The following PKD1 variants were observed in gnomAD, a reference collection of about 807,000 sequenced individuals.
PKD1 encodes the protein polycystin-1.
Under a neutral mutation model 361.7 loss-of-function variants are expected in PKD1, and 81 were observed. That is an observed-to-expected ratio of 0.22 (90% CI 0.19 to 0.27). The LOEUF is 0.27. PKD1 is among the 10% of genes least tolerant of loss of function. The probability of loss-of-function intolerance (pLI) is 1.00; values close to 1 mark genes in which losing one functional copy is unlikely to be tolerated. For synonymous variants in PKD1, 3,615 were observed against 2,818.3 expected (o/e 1.28, Z -8.95); for missense variants, 6,399 against 6,118.3 (o/e 1.05, Z -1.53).
At chr16:2,094,325 C>A (rs557649942) in intron 34 of PKD1, 115 bp from the exon 35 acceptor site, 14 of 728,324 alleles carry the variant, frequency 1.9e-5, no homozygotes, top group Non-Finnish European at 2.9e-5. Flanking sequence ...AGGGTCCCCC[C>A]GACAAAAAGC....
Position 2,117,496 on chromosome 16 carries a change from C to G in PKD1, c.1378G>C (p.Val460Leu). ...PAVQRFLVSR[V>L]TRSLDVWIGF... ...GGGGGTGGGGGCAGGCACCTGGTGA[C>G]CCGGGAGACCAGGAAGCGCTGCACG... Residue 460 changes from valine to leucine, a missense_variant, in exon 6 of 46, where the codon GTC (valine) becomes CTC (leucine). Coordinates refer to ENST00000262304, the MANE Select transcript of PKD1 (RefSeq NM_001009944.3). The G allele has an allele frequency of 1.3e-6, 2 of 1,540,524 alleles. No homozygotes were observed. Among genetic ancestry groups the G allele is most frequent in the Non-Finnish European group, 1.8e-6 (2 of 1,134,774 alleles).
In PKD1 at chr16:2,088,884, C is replaced by T. The variant is rs2091278628; in HGVS notation, c.*843G>A. 1 of 328,222 alleles carries T rather than the reference C, an allele frequency of 3.0e-6. No individual in the cohort carries two copies. The highest frequency in any genetic ancestry group is 5.9e-6 in the Non-Finnish European group (1 of 168,766). 20.3% of individuals were successfully genotyped at this position (328,222 alleles called of 1,614,324 possible). A position where few individuals can be genotyped will look rare whatever the true frequency, so the allele number is the denominator to read the frequency against. On this transcript the variant is annotated 3_prime_UTR_variant, in exon 46 of 46. Transcript: ENST00000262304. The stretch of plus-strand genomic sequence containing the variant: ...GCACACTCGCGCGTGCGCGCGCGCA[C>T]ACACACACACACACAGTCACCTTCC...
chr16:2,131,668 T>C (rs1429755427), intron 1 of PKD1, among the ~76,000 whole-genome samples: 1 of 149,294 alleles, frequency 6.7e-6, no homozygotes, highest in East Asian at 2.0e-4. Context: ...AAAATATTTT[T>C]AAAAATTAGC....
In PKD1 at chr16:2,092,185, A is replaced by C. The variant is rs778359525; in HGVS notation, c.11273T>G (p.Leu3758Arg). The C allele has an allele frequency of 6.2e-7, 1 of 1,601,014 alleles. No individual in the cohort carries two copies. The highest frequency in any genetic ancestry group is 8.5e-7 in the Non-Finnish European group (1 of 1,174,984). The change falls in exon 40 of 46, where the codon CTC becomes CGC. Residue 3758 changes from leucine (L) to arginine (R), a missense_variant. Leu to Arg is a moderately radical substitution (Grantham distance 102). Coordinates refer to ENST00000262304, the MANE Select transcript of PKD1 (RefSeq NM_001009944.3). ...CCTGGGGCCGGGAGGGTCTGGGTAGAGTGCTGAAACACACAGAGCCCCAGG... is the reference window on the plus strand; with the variant it reads ...CCTGGGGCCGGGAGGGTCTGGGTAGCGTGCTGAAACACACAGAGCCCCAGG... ...RLRQVRLQEALYPDPPGPRVH... is the reference protein window; with the variant it reads ...RLRQVRLQEARYPDPPGPRVH...
At position 2,111,678 on chromosome 16, in the gene PKD1, G is replaced by C; in HGVS notation, c.3489C>G (p.Phe1163Leu). ...SPGGVLYTWD[F>L]GDGSPVLTQS... The stretch of plus-strand genomic sequence containing the variant: ...GGGTCAGGACAGGGGAGCCGTCCCC[G>C]AAGTCCCACGTGTAAAGAACACCCC... Residue 1163 changes from phenylalanine to leucine, a missense_variant, in exon 15 of 46, where the codon TTC becomes TTG. Physicochemically the swap from Phe to Leu is conservative, Grantham distance 22 (BLOSUM62 0). Coordinates refer to ENST00000262304, the MANE Select transcript of PKD1 (RefSeq NM_001009944.3). 6.3e-7 allele frequency: 1 copy of C among 1,577,442 alleles called. No individual in the cohort carries two copies. Among genetic ancestry groups the C allele is most frequent in the South Asian group, 1.1e-5 (1 of 87,028 alleles).
rs1330158145 is a variant in PKD1 at position 2,117,059 on chromosome 16, G to T, written c.1386-6C>A. On this transcript the variant is annotated splice_region_variant and splice_polypyrimidine_tract_variant and intron_variant, in intron 6 of 45. Coordinates refer to ENST00000262304, the MANE Select transcript of PKD1 (RefSeq NM_001009944.3). Reference sequence around the variant, plus strand: ...CGATCCACACGTCTAGGCTCCTGGGGGCGGGTGTGGGATGGCAGGGGGCTC... The same window carrying T: ...CGATCCACACGTCTAGGCTCCTGGGTGCGGGTGTGGGATGGCAGGGGGCTC... 9 of 1,528,514 alleles carry T rather than the reference G, an allele frequency of 5.9e-6. No homozygotes were observed. Among genetic ancestry groups the T allele is most frequent in the Non-Finnish European group, 8.0e-6 (9 of 1,125,390 alleles). The allele number at this position is 1,528,514 out of a possible 1,614,324, so 94.7% of individuals were successfully genotyped here.
chr16:2,127,599 G>A (rs1455040710), intron 1 of PKD1, among the ~76,000 whole-genome samples: 1 of 152,010 alleles, frequency 6.6e-6, no homozygotes, highest in African/African-American at 2.4e-5. Flanking sequence ...ACAGGGGAAT[G>A]GGCCCCCGGA....
At position 2,089,706 on chromosome 16, in the gene PKD1, C is replaced by CA; in HGVS notation, c.*20dup. 3.2e-6 allele frequency: 5 copies of CA among 1,561,472 alleles called. No homozygotes were observed. The highest frequency in any genetic ancestry group is 4.3e-6 in the Non-Finnish European group (5 of 1,154,112). ...CGGTGTCCACTCCGACTCCACGGCC[C>CA]ACCCCCGCCAGGAAGGAGGACTAAG... is the stretch of plus-strand genomic sequence containing the variant. On this transcript the variant is annotated 3_prime_UTR_variant, in exon 46 of 46. Transcript: ENST00000262304.
At chr16:2,092,309 G>T in intron 39 of PKD1, 121 bp from the exon 40 acceptor site, 3 of 1,153,434 alleles carry the variant, frequency 2.6e-6, no homozygotes, top group Non-Finnish European at 3.7e-6. Context: ...CCTCCCAGCA[G>T]CCATCAATTA....
intron 6 of PKD1, 82 bp from the exon 7 acceptor site, chr16:2,117,135 T>C: frequency 4.1e-6 from 3 of 727,142 alleles, no homozygotes; most frequent in South Asian, 1.7e-5. Context: ...GGGAGCCCCA[T>C]CACTGTCCCC....
rs1004345164 is a variant in PKD1 at position 2,088,721 on chromosome 16, GCT to G, written c.*1004_*1005del. ...TAGAGGCACAGATTGCAGTCAGACA[GCT>G]CTTTTATTGACTTTGTCTGCTTGGT... On this transcript the variant is annotated 3_prime_UTR_variant, in exon 46 of 46. Transcript: ENST00000262304. 21 of 1,411,910 alleles carry G rather than the reference GCT, an allele frequency of 1.5e-5. No homozygotes were observed. The Admixed American group carries it at 3.9e-4, about 26-fold the overall frequency. The allele number at this position is 1,411,910 out of a possible 1,614,324, so 87.5% of individuals were successfully genotyped here.
intron 1 of PKD1, among the ~76,000 whole-genome samples, chr16:2,134,034 C>T (rs2092919757): frequency 1.4e-5 from 2 of 142,854 alleles, no homozygotes; most frequent in Admixed American, 1.4e-4. Context: ...AGGCCCTGGA[C>T]AGAGTCCCCA....
chr16:2,092,123 T>C lies in PKD1; in HGVS notation c.11335A>G (p.Ser3779Gly). 6.2e-7 allele frequency: 1 copy of C among 1,612,820 alleles called. No individual in the cohort carries two copies. Among genetic ancestry groups the C allele is most frequent in the Non-Finnish European group, 8.5e-7 (1 of 1,179,968 alleles). Residue 3779 changes from serine (S) to glycine (G), a missense_variant, in exon 40 of 46, where the codon AGC (serine) becomes GGC (glycine). Coordinates refer to ENST00000262304, the MANE Select transcript of PKD1 (RefSeq NM_001009944.3). Reference sequence around the variant, plus strand: ...CTCTCCCAGCCAACGTCGTAATCGCTGGTGCTGAAGCCTCCTGCGGCCGAG... The same window carrying C: ...CTCTCCCAGCCAACGTCGTAATCGCCGGTGCTGAAGCCTCCTGCGGCCGAG... ...TCSAAGGFST[S>G]DYDVGWESPH... is the part of the protein sequence containing the mutation.
intron 1 of PKD1, among the ~76,000 whole-genome samples, chr16:2,129,051 C>T (rs1395589919): frequency 1.3e-5 from 2 of 151,956 alleles, no homozygotes; most frequent in Non-Finnish European, 2.9e-5. Flanking sequence ...TTTAGTAGAA[C>T]GGGGTTTCAC....
intron 34 of PKD1, chr16:2,095,181 G>A (rs1279623817): frequency 1.9e-5 from 2 of 105,996 alleles, no homozygotes; most frequent in Non-Finnish European, 3.7e-5. Context: ...AGGCTGAGAT[G>A]GGTGGATCAC....
At position 2,089,041 on chromosome 16, in the gene PKD1, C is replaced by A. The variant is rs756923313; in HGVS notation, c.*686G>T. 1.4e-4 allele frequency: 27 copies of A among 197,724 alleles called. No individual in the cohort carries two copies. The highest frequency in any genetic ancestry group is 2.5e-4 in the Non-Finnish European group (24 of 95,266). The allele number at this position is 197,724 out of a possible 1,614,324, so 12.2% of individuals were successfully genotyped here. ...TGGGCGCTGCTCTCTTGCTACCTGG[C>A]CTGGGGCAAGGGAGGATGACAAGGC... On this transcript the variant is annotated 3_prime_UTR_variant, in exon 46 of 46. Transcript: ENST00000262304.
Position 2,090,437 on chromosome 16 carries a change from C to A in PKD1, c.12292G>T (p.Ala4098Ser). Reference sequence around the variant, plus strand: ...AGAATAACAGCCCCCAGCCGTAGGGCGCCCCACAGCCGCAGTGCCCAGAGC... The same window carrying A: ...AGAATAACAGCCCCCAGCCGTAGGGAGCCCCACAGCCGCAGTGCCCAGAGC... ...VGLWALRLWG[A>S]LRLGAVILRW... The change falls in exon 45 of 46, where the codon GCC (alanine) becomes TCC (serine). Residue 4098 changes from alanine (A) to serine (S), a missense_variant. Transcript: ENST00000262304. The A allele has an allele frequency of 6.2e-7, 1 of 1,612,514 alleles. No homozygotes were observed. Among genetic ancestry groups the A allele is most frequent in the Non-Finnish European group, 8.5e-7 (1 of 1,179,864 alleles).
At chr16:2,131,201 G>A (rs2092873787) in intron 1 of PKD1, among the ~76,000 whole-genome samples, 1 of 152,132 alleles carries the variant, frequency 6.6e-6, no homozygotes, top group Non-Finnish European at 1.5e-5. Flanking sequence ...AGAGAGGAAG[G>A]GAAGCTCCTA....
intron 34 of PKD1, chr16:2,094,729 G>C (rs773802129): frequency 1.2e-5 from 2 of 170,704 alleles, no homozygotes; most frequent in Non-Finnish European, 2.5e-5. Context: ...AGGAGCCAGT[G>C]ACCACCGAGG....
Sources: gnomAD v4.1 joint callset for allele counts (sites outside exome capture counted in the v4.1 genomes callset) on GRCh38, gnomAD v4.1.1 for gene constraint, MANE v1.5 for transcripts, NCBI Gene and HGNC (gene_info 2026-07-23, HGNC 2026-07-21) for gene names.